UBR4: variants seen among roughly 807,000 people sequenced by gnomAD.
The protein encoded by UBR4 is E3 ubiquitin-protein ligase UBR4.
A neutral mutation model predicts 575.6 loss-of-function variants in UBR4; 124 were observed. The ratio of observed to expected loss-of-function variants is 0.22; its 90% confidence interval spans 0.19 to 0.25. The LOEUF (loss-of-function observed/expected upper bound fraction) is 0.25, where lower values mean the gene tolerates loss of function less well. Among genes scored for constraint, UBR4 ranks in the 10% least tolerant of loss-of-function variants. The pLI, the probability that UBR4 is intolerant of heterozygous loss-of-function variation, is 1.00. For synonymous variants in UBR4, 2,455 were observed against 2,473.7 expected (o/e 0.99, Z 0.22); for missense variants, 4,818 against 6,478.8 (o/e 0.74, Z 8.80).
At chr1:19,200,153 G>A (rs1407386055) in intron 2 of UBR4, among the ~76,000 whole-genome samples, 2 of 152,046 alleles carry the variant, frequency 1.3e-5, no homozygotes, top group Admixed American at 6.6e-5. Context: ...TAGAGTTCAT[G>A]CTCTTAACCA....
At chr1:19,127,868 A>C in intron 62 of UBR4, 129 bp from the exon 63 acceptor site, 1 of 735,040 alleles carries the variant, frequency 1.4e-6, no homozygotes, top group Non-Finnish European at 2.3e-6. Flanking sequence ...ACACAAAACA[A>C]CCCCCAGTAT....
intron 60 of UBR4, among the ~76,000 whole-genome samples, chr1:19,137,384 T>C (rs2083316591): frequency 6.6e-6 from 1 of 152,154 alleles, no homozygotes. Flanking sequence ...CATTGTATCA[T>C]GAGTCTTATT....
At position 19,179,034 on chromosome 1, in the gene UBR4, T is replaced by C. The variant is rs746663351; in HGVS notation, c.2354+17A>G. On this transcript the variant is annotated intron_variant, in intron 18 of 105. Transcript: ENST00000375254. The stretch of plus-strand genomic sequence containing the variant: ...GAAATAACTTTCTCTATAGGCCTTC[T>C]CTTACAGACATCTTACCTGTCCCAA... 1.9e-6 allele frequency: 3 copies of C among 1,609,738 alleles called. No homozygotes were observed. The South Asian group carries it at 3.3e-5, about 18-fold the overall frequency.
rs147072344 is a variant in UBR4 at position 19,138,172 on chromosome 1, C to T, written c.8741G>A (p.Arg2914Gln). 4.3e-4 allele frequency: 648 copies of T among 1,515,164 alleles called. No homozygotes were observed. The highest frequency in any genetic ancestry group is 5.3e-4 in the Non-Finnish European group (596 of 1,122,494). The allele number at this position is 1,515,164 out of a possible 1,614,324, so 93.9% of individuals were successfully genotyped here. A position where few individuals can be genotyped will look rare whatever the true frequency, so the allele number is the denominator to read the frequency against. The change falls in exon 60 of 106, where the codon CGG becomes CAG. Residue 2914 changes from arginine (R) to glutamine (Q), a missense_variant. Coordinates refer to ENST00000375254, the MANE Select transcript of UBR4 (RefSeq NM_020765.3). Reference sequence around the variant, plus strand: ...TGTAGCATCGCCATAAGCACTGCTCCGGCCAGATACTAGAGGGAAATGGTT... The same window carrying T: ...TGTAGCATCGCCATAAGCACTGCTCTGGCCAGATACTAGAGGGAAATGGTT... ...SVAGEHSVSG[R>Q]SSAYGDATAE...
intron 25 of UBR4, 121 bp downstream of exon 25, chr1:19,172,743 T>C: frequency 3.2e-6 from 3 of 941,024 alleles, no homozygotes; most frequent in Non-Finnish European, 4.8e-6. Context: ...AAGAAAGCAT[T>C]ATACGTGGGG....
chr1:19,165,584 C>A, intron 30 of UBR4, 72 bp downstream of exon 30: 2 of 1,475,606 alleles, frequency 1.4e-6, no homozygotes, highest in South Asian at 2.4e-5. Context: ...GTACCTAAAT[C>A]AACATATATA....
chr1:19,119,548 A>G lies in UBR4; in HGVS notation c.10455+9T>C. The G allele has an allele frequency of 6.2e-7, 1 of 1,609,858 alleles. No individual in the cohort carries two copies. Among genetic ancestry groups the G allele is most frequent in the Non-Finnish European group, 8.5e-7 (1 of 1,176,514 alleles). ...AAGTTGGCCCCTCTGACCATAAAGC[A>G]ACTGTTACCTTCTTCTCTGTTTGTG... On this transcript the variant is annotated intron_variant, in intron 70 of 105. Coordinates refer to ENST00000375254, the MANE Select transcript of UBR4 (RefSeq NM_020765.3).
At position 19,157,922 on chromosome 1, in the gene UBR4, T is replaced by C; in HGVS notation, c.5653A>G (p.Ile1885Val). Residue 1885 changes from isoleucine to valine, a missense_variant, in exon 40 of 106, where the codon ATC becomes GTC. Transcript: ENST00000375254. The surrounding 1 kb of genome is among the most constrained non-coding windows in gnomAD (Gnocchi z 4.4). The stretch of plus-strand genomic sequence containing the variant: ...ACATGAGCACTGATCAGCTGCCGGA[T>C]GGTCTGGCCCTGGTCTCCACTGTAA... ...MNYSGDQGQT[I>V]RQLISAHVLR... The C allele has an allele frequency of 6.2e-7, 1 of 1,614,222 alleles. No individual in the cohort carries two copies. Among genetic ancestry groups the C allele is most frequent in the South Asian group, 1.1e-5 (1 of 91,088 alleles).
At chr1:19,104,482 T>C (rs1199764259) in intron 86 of UBR4, 103 bp downstream of exon 86, 4 of 1,326,452 alleles carry the variant, frequency 3.0e-6, no homozygotes, top group Non-Finnish European at 4.2e-6. Flanking sequence ...TGCACTAAGG[T>C]CAGTACCAGA....
intron 15 of UBR4, among the ~76,000 whole-genome samples, chr1:19,184,546 T>C (rs892685508): frequency 7.9e-5 from 12 of 152,230 alleles, no homozygotes; most frequent in Non-Finnish European, 1.0e-4. Flanking sequence ...ATTACACATA[T>C]ATAGAATTCC....
intron 103 of UBR4, chr1:19,080,889 A>C (rs551110028): frequency 2.3e-4 from 36 of 157,872 alleles, no homozygotes; most frequent in African/African-American, 7.7e-4. Flanking sequence ...TAGAGGAAGA[A>C]AGGTTCATGG....
At chr1:19,148,165 C>G (rs1221445880) in intron 50 of UBR4, 38 bp from the exon 51 acceptor site, 1 of 1,576,062 alleles carries the variant, frequency 6.3e-7, no homozygotes, top group Admixed American at 1.7e-5. Context: ...CTAACCCCAC[C>G]AACTCAAGGC....
At chr1:19,209,465 G>T (rs2093194650) in intron 1 of UBR4, among the ~76,000 whole-genome samples, 1 of 152,222 alleles carries the variant, frequency 6.6e-6, no homozygotes, top group Non-Finnish European at 1.5e-5. Context: ...ATGCGAGGGG[G>T]ATGGGAGGCA....
In UBR4 at chr1:19,122,940, C is replaced by G; in HGVS notation, c.9709G>C (p.Val3237Leu). Reference protein sequence around the residue: ...LRDLHTLDSHVRGIKKLLEEQ... With the variant: ...LRDLHTLDSHLRGIKKLLEEQ... Reference sequence around the variant, plus strand: ...TCTAGCAGCTTCTTGATCCCACGCACGTGAGAGTCCAGGGTGTGCAAATCC... The same window carrying G: ...TCTAGCAGCTTCTTGATCCCACGCAGGTGAGAGTCCAGGGTGTGCAAATCC... Residue 3237 changes from valine (V) to leucine (L), a missense_variant, in exon 66 of 106, where the codon GTG becomes CTG. This residue lies in a region of UBR4 where 550 missense variants were observed against 791.5 expected (regional missense o/e 0.69). Transcript: ENST00000375254. The G allele has an allele frequency of 1.2e-6, 2 of 1,614,232 alleles. No individual in the cohort carries two copies. Among genetic ancestry groups the G allele is most frequent in the Non-Finnish European group, 1.7e-6 (2 of 1,180,042 alleles).
chr1:19,122,074 C>G, intron 66 of UBR4, 62 bp from the exon 67 acceptor site: 1 of 1,532,510 alleles, frequency 6.5e-7, no homozygotes, highest in Non-Finnish European at 9.0e-7. Flanking sequence ...ACAAGCACCA[C>G]ACCTGCTGCC....
intron 60 of UBR4, among the ~76,000 whole-genome samples, chr1:19,135,958 C>G (rs1011714202): frequency 7.2e-5 from 11 of 152,116 alleles, no homozygotes; most frequent in African/African-American, 2.7e-4. Flanking sequence ...GCAGTAAAGA[C>G]ATTACTTTCA....
chr1:19,179,329 T>C (rs937055532), intron 17 of UBR4, 109 bp from the exon 18 acceptor site: 32 of 1,197,404 alleles, frequency 2.7e-5, no homozygotes, highest in Non-Finnish European at 3.1e-5. Context: ...CAGAATATTT[T>C]AAAGAAAGAA....
chr1:19,204,244 C>T (rs1371230809), intron 1 of UBR4, among the ~76,000 whole-genome samples: 1 of 151,990 alleles, frequency 6.6e-6, no homozygotes, highest in African/African-American at 2.4e-5. Context: ...CCTCGTGATC[C>T]ACTGCCTTGG....
chr1:19,114,736 C>G, intron 75 of UBR4, 75 bp downstream of exon 75: 1 of 1,572,492 alleles, frequency 6.4e-7, no homozygotes, highest in South Asian at 1.1e-5. Flanking sequence ...AAGTAAAGTG[C>G]ACTGCACTGC....
Sources: gnomAD v4.1 joint callset for allele counts (sites outside exome capture counted in the v4.1 genomes callset) on GRCh38, gnomAD v4.1.1 for gene constraint, gnomAD v4.1.1 regional missense constraint, Gnocchi (gnomAD v3.1) non-coding constraint, MANE v1.5 for transcripts, NCBI Gene and HGNC (gene_info 2026-07-23, HGNC 2026-07-21) for gene names.